USP26: variants seen among roughly 807,000 people sequenced by gnomAD.
USP26 encodes the protein ubiquitin carboxyl-terminal hydrolase 26.
For synonymous variants in USP26, 236 were observed against 240.6 expected, an observed-to-expected ratio of 0.98 and a Z score of 0.18; for missense variants, 649 against 642.3, an observed-to-expected ratio of 1.01 and a Z score of -0.11.
In USP26 at chrX:133,026,717, T is replaced by C. The variant is rs1306410391; in HGVS notation, c.1504A>G (p.Lys502Glu). The C allele has an allele frequency of 1.7e-6, 2 of 1,210,835 alleles. No homozygotes were observed. Among genetic ancestry groups the C allele is most frequent in the Non-Finnish European group, 2.2e-6 (2 of 895,070 alleles). The stretch of plus-strand genomic sequence containing the variant: ...AATGAGTGCACTCCAACGGAAGTCT[T>C]GTGCTCACATTTTGCACATTTATAC... ...LEYKCAKCEH[K>E]TSVGVHSFSR... is the part of the protein sequence containing the mutation. The change falls in exon 6 of 6, where the codon AAG becomes GAG. Residue 502 changes from lysine (K) to glutamate (E), a missense_variant. Transcript: ENST00000511190.
intron 5 of USP26, among the ~76,000 whole-genome samples, chrX:133,080,700 G>A (rs1569510988): frequency 9.0e-6 from 1 of 111,476 alleles, no homozygotes; most frequent in East Asian, 2.8e-4. Flanking sequence ...AAAATGGAAA[G>A]GAGCTGCACC....
intron 5 of USP26, among the ~76,000 whole-genome samples, chrX:133,057,868 T>TATATATATA (rs1334136831): frequency 9.8e-5 from 1 of 10,155 alleles, no homozygotes; most frequent in African/African-American, 1.1e-3. Flanking sequence ...ATATATATAT[T>TATATATATA]TTTTTTTTTT....
At chrX:133,040,786 T>C (rs1444842681) in intron 5 of USP26, among the ~76,000 whole-genome samples, 2 of 111,534 alleles carry the variant, frequency 1.8e-5, no homozygotes, top group African/African-American at 3.3e-5. Flanking sequence ...TGAAGTGTGT[T>C]TTCCGACTTG....
At chrX:133,061,230 CAAGTCCTAAGATACTGTA>C (rs1409365085) in intron 5 of USP26, among the ~76,000 whole-genome samples, 3 of 112,257 alleles carry the variant, frequency 2.7e-5, no homozygotes, top group Non-Finnish European at 3.8e-5. Flanking sequence ...AATGATTTCT[CAAGTCCTAAGATACTGTA>C]CTCTGGAACA....
At chrX:133,083,555 A>G (rs2067577401) in intron 5 of USP26, among the ~76,000 whole-genome samples, 152 bp downstream of exon 5, 1 of 112,104 alleles carries the variant, frequency 8.9e-6, no homozygotes, top group African/African-American at 3.2e-5. Flanking sequence ...TTTGAATTAA[A>G]TAAGCACCTT....
Position 133,086,465 on chromosome X carries a change from C to A in USP26, c.-141-2694G>T, listed in dbSNP as rs1215161676. On this transcript the variant is annotated intron_variant, in intron 4 of 5. Coordinates refer to ENST00000511190, the MANE Select transcript of USP26 (RefSeq NM_031907.3). ...TCCACAATTTTTTAAAAAGAATTAG[C>A]CAGGCATGGTGGCACACACCTGTAG... Among the ~76,000 whole-genome samples the A allele has an allele frequency of 6.3e-5, 7 of 110,591 alleles. No homozygotes were observed. In the Admixed American group the frequency reaches 6.8e-4, roughly 11 times the overall value.
At chrX:133,074,458 A>G (rs949252944) in intron 5 of USP26, among the ~76,000 whole-genome samples, 2 of 112,299 alleles carry the variant, frequency 1.8e-5, no homozygotes, top group African/African-American at 6.5e-5. Context: ...CACTGCACAC[A>G]CATAAGCAGA....
intron 5 of USP26, among the ~76,000 whole-genome samples, chrX:133,032,418 G>T (rs2148526470): frequency 8.9e-6 from 1 of 111,951 alleles, no homozygotes; most frequent in African/African-American, 3.2e-5. Flanking sequence ...TGGCATGTTG[G>T]AAACAGAAAG....
chrX:133,073,655 C>T (rs763915045), intron 5 of USP26, among the ~76,000 whole-genome samples: 10 of 111,320 alleles, frequency 9.0e-5, no homozygotes, highest in Non-Finnish European at 1.9e-4. Flanking sequence ...TCCCCTTCTA[C>T]CCCTAATACC....
At chrX:133,087,979 G>A (rs796861927) in intron 4 of USP26, among the ~76,000 whole-genome samples, 1 of 111,332 alleles carries the variant, frequency 9.0e-6, no homozygotes, top group Admixed American at 9.6e-5. Flanking sequence ...AGACAAGCCT[G>A]GGCAACATAG....
rs2067607084 is a variant in USP26, at chrX:133,091,427, C to T, written c.-376G>A. ...TTTTCTACAATCCAGTCCAGTCCCT[C>T]CTGCTGCTGTCTCTTACTGGTTTTC... On this transcript the variant is annotated 5_prime_UTR_variant, in exon 2 of 6. Transcript: ENST00000511190. 8.9e-6 allele frequency: 1 copy of T among 112,133 alleles called. No homozygotes were observed. Among genetic ancestry groups the T allele is most frequent in the Admixed American group, 9.5e-5 (1 of 10,546 alleles). 9.2% of individuals were successfully genotyped at this position (112,133 alleles called of 1,213,427 possible).
chrX:133,027,416 G>A lies in USP26; in HGVS notation c.805C>T (p.Gln269Ter). 8.3e-7 allele frequency: 1 copy of A among 1,211,194 alleles called. No individual in the cohort carries two copies. Among genetic ancestry groups the A allele is most frequent in the Non-Finnish European group, 1.1e-6 (1 of 895,078 alleles). The change falls in exon 6 of 6, where the codon CAA becomes TAA. Residue 269 changes from glutamine to a stop codon, truncating the protein, a stop_gained. Coordinates refer to ENST00000511190, the MANE Select transcript of USP26 (RefSeq NM_031907.3). LOFTEE classifies it low-confidence loss of function (END_TRUNC). ...TEKMVLVFLL[Q>*]QGYSDGYTKW... ...GTGTAACCGTCACTATACCCTTGTT[G>A]TAACAGAAATACCAAAACCATTTTC...
intron 5 of USP26, among the ~76,000 whole-genome samples, chrX:133,035,457 T>A (rs932441488): frequency 8.9e-6 from 1 of 111,951 alleles, no homozygotes; most frequent in African/African-American, 3.3e-5. Flanking sequence ...AAGAATTTGG[T>A]AATGCCTCCC....
chrX:133,032,362 G>C (rs2148526454), intron 5 of USP26, among the ~76,000 whole-genome samples: 1 of 111,669 alleles, frequency 9.0e-6, no homozygotes, highest in East Asian at 2.8e-4. Flanking sequence ...GGGTGCCCCA[G>C]GCAGGAGGAA....
At chrX:133,029,518 CA>C (rs1408483187) in intron 5 of USP26, among the ~76,000 whole-genome samples, 1 of 111,942 alleles carries the variant, frequency 8.9e-6, no homozygotes, top group African/African-American at 3.2e-5. Flanking sequence ...AAGCACAGCA[CA>C]AATTTAAGTT....
At chrX:133,074,129 A>G (rs775488370) in intron 5 of USP26, among the ~76,000 whole-genome samples, 1 of 111,992 alleles carries the variant, frequency 8.9e-6, no homozygotes, top group South Asian at 3.8e-4. Context: ...TTATCCCACT[A>G]AAGGCCACTT....
chrX:133,034,224 C>A (rs1016499787), intron 5 of USP26, among the ~76,000 whole-genome samples: 2 of 111,874 alleles, frequency 1.8e-5, no homozygotes, highest in Admixed American at 1.9e-4. Flanking sequence ...TGCGTGTGTG[C>A]AGCCAAATTT....
chrX:133,030,884 A>G (rs2067373964), intron 5 of USP26, among the ~76,000 whole-genome samples: 1 of 111,934 alleles, frequency 8.9e-6, no homozygotes, highest in Admixed American at 9.5e-5. Context: ...GTTTAGAGGG[A>G]GCTATGGCCT....
At chrX:133,054,097 T>C (rs2067468347) in intron 5 of USP26, among the ~76,000 whole-genome samples, 1 of 111,694 alleles carries the variant, frequency 9.0e-6, no homozygotes, top group Non-Finnish European at 1.9e-5. Context: ...AATGTCTGCC[T>C]AATCCTGATT....
Sources: allele counts gnomAD v4.1 joint callset (sites outside exome capture counted in the v4.1 genomes callset), GRCh38; gene constraint gnomAD v4.1.1; transcripts MANE v1.5; gene names NCBI Gene and HGNC (gene_info 2026-07-23, HGNC 2026-07-21).